Variants in TRMT9B observed in about 807,000 individuals in gnomAD.
TRMT9B encodes probable tRNA methyltransferase 9B.
In TRMT9B, 16 loss-of-function variants were observed where a neutral mutation model predicts 11.5. The observed-to-expected ratio is 1.39, with a 90% CI of 0.94 to 2.11. TRMT9B has a LOEUF of 2.11. Among genes scored for constraint, TRMT9B ranks in the 30% most tolerant of loss-of-function variants. TRMT9B has a pLI of 0.00. For missense variants in TRMT9B, 941 were observed against 553.8 expected (o/e 1.70, Z -7.02); for synonymous variants, 274 against 192.4 (o/e 1.42, Z -3.51).
intron 1 of TRMT9B, among the ~76,000 whole-genome samples, chr8:12,959,378 C>T (rs777544616): frequency 2.6e-5 from 4 of 152,132 alleles, no homozygotes; most frequent in Non-Finnish European, 5.9e-5. Flanking sequence ...TATAAAATTA[C>T]CTTCAGCTAT....
rs1814630377 is a variant in TRMT9B at position 13,025,889 on chromosome 8, T to C, written c.*3845T>C. ...CCTCTGTCTTTTAAGTGACCATCAA[T>C]TCAATAGGCAAAAATTTGGAGTAAT... On this transcript the variant is annotated 3_prime_UTR_variant, in exon 5 of 5. Transcript: ENST00000524591. 6.0e-6 allele frequency: 1 copy of C among 166,764 alleles called. No individual in the cohort carries two copies. The highest frequency in any genetic ancestry group is 6.5e-5 in the Admixed American group (1 of 15,278). The allele number at this position is 166,764 out of a possible 1,614,324, so 10.3% of individuals were successfully genotyped here.
At chr8:13,016,908 C>A (rs1372422144) in intron 4 of TRMT9B, among the ~76,000 whole-genome samples, 12 of 150,516 alleles carry the variant, frequency 8.0e-5, no homozygotes, top group African/African-American at 2.7e-4. Context: ...AGGCGGATCA[C>A]AAGGTCAGGA....
intron 2 of TRMT9B, among the ~76,000 whole-genome samples, chr8:12,995,531 A>G (rs1431389908): frequency 1.3e-5 from 2 of 152,128 alleles, no homozygotes; most frequent in Admixed American, 1.3e-4. Flanking sequence ...CACTCAATAC[A>G]TATATTAATT....
chr8:12,950,242 T>G (rs1800487828), intron 1 of TRMT9B, among the ~76,000 whole-genome samples: 1 of 152,194 alleles, frequency 6.6e-6, no homozygotes. Flanking sequence ...TGATTTCCCT[T>G]ATGTTTTCCT....
At position 12,986,998 on chromosome 8, in the gene TRMT9B, G is replaced by T. The variant is rs188771838; in HGVS notation, c.-199-3836G>T. 2.0e-4 allele frequency among the ~76,000 whole-genome samples: 31 copies of T among 152,236 alleles called. No homozygotes were observed. The East Asian group carries it at 5.4e-3, about 27-fold the overall frequency. ...TTCTTCTTGTTGAAATAATTCAGTG[G>T]TTCCCCATGATGTTCAGAAGCTGGA... On this transcript the variant is annotated intron_variant, in intron 1 of 4. Coordinates refer to ENST00000524591, the MANE Select transcript of TRMT9B (RefSeq NM_020844.3).
At chr8:13,011,255 G>C (rs1375267257) in intron 3 of TRMT9B, 1 of 968,300 alleles carries the variant, frequency 1.0e-6, no homozygotes, top group South Asian at 4.8e-5. Flanking sequence ...CAAAGTGCTA[G>C]GATTATAGGC....
chr8:12,971,769 G>C (rs752813787), intron 1 of TRMT9B, among the ~76,000 whole-genome samples: 6 of 152,084 alleles, frequency 3.9e-5, no homozygotes, highest in African/African-American at 1.4e-4. Context: ...TGTGGTTATC[G>C]CTTTTACATA....
At chr8:12,999,645 G>A (rs368975780) in intron 2 of TRMT9B, among the ~76,000 whole-genome samples, 1 of 152,130 alleles carries the variant, frequency 6.6e-6, no homozygotes, top group Non-Finnish European at 1.5e-5. Flanking sequence ...TAGATATTAT[G>A]GGCTAACCAA....
At chr8:12,969,846 A>AT (rs368805990) in intron 1 of TRMT9B, among the ~76,000 whole-genome samples, 7,386 of 124,336 alleles carry the variant, frequency 0.059, 253 homozygotes, top group Admixed American at 0.062. Context: ...TAATGTTTTA[A>AT]TTTTTTTTTT....
chr8:12,950,109 C>G (rs542367891), intron 1 of TRMT9B, among the ~76,000 whole-genome samples: 1 of 152,354 alleles, frequency 6.6e-6, no homozygotes, highest in South Asian at 2.1e-4. Context: ...CCACCTCAGC[C>G]TCCCAAACTG....
intron 1 of TRMT9B, among the ~76,000 whole-genome samples, chr8:12,973,969 G>T (rs1337619142): frequency 6.6e-6 from 1 of 152,138 alleles, no homozygotes; most frequent in Non-Finnish European, 1.5e-5. Context: ...AGACCAGCCT[G>T]AGCATTATAG....
intron 1 of TRMT9B, chr8:12,960,609 T>A (rs1801972170): frequency 6.6e-6 from 1 of 152,176 alleles, no homozygotes; most frequent in South Asian, 2.1e-4. Context: ...ATCCTTACAA[T>A]GGAATATTAT....
intron 1 of TRMT9B, among the ~76,000 whole-genome samples, chr8:12,977,288 G>A (rs1804606790): frequency 6.6e-6 from 1 of 152,192 alleles, no homozygotes; most frequent in Non-Finnish European, 1.5e-5. Flanking sequence ...GATCAGCCTG[G>A]AGAGGAGAGG....
At chr8:13,014,477 G>A (rs1432915659) in intron 4 of TRMT9B, among the ~76,000 whole-genome samples, 3 of 152,056 alleles carry the variant, frequency 2.0e-5, no homozygotes, top group South Asian at 2.1e-4. Flanking sequence ...AAGAAGAAGG[G>A]GAGAATGAGA....
intron 1 of TRMT9B, among the ~76,000 whole-genome samples, chr8:12,978,876 TA>T (rs1804893810): frequency 6.6e-6 from 1 of 152,216 alleles, no homozygotes; most frequent in African/African-American, 2.4e-5. Flanking sequence ...AGTCTATAAT[TA>T]CATTTCTCTC....
chr8:12,969,626 C>G (rs1803307081), intron 1 of TRMT9B, among the ~76,000 whole-genome samples: 1 of 151,512 alleles, frequency 6.6e-6, no homozygotes, highest in South Asian at 2.1e-4. Flanking sequence ...TTATTTTTTC[C>G]TAATATTTTT....
chr8:12,985,699 T>A (rs538423739), intron 1 of TRMT9B, among the ~76,000 whole-genome samples: 1 of 152,230 alleles, frequency 6.6e-6, no homozygotes, highest in South Asian at 2.1e-4. Flanking sequence ...TAGAGCTCTA[T>A]CATACATGGC....
intron 2 of TRMT9B, among the ~76,000 whole-genome samples, chr8:13,003,611 T>C: frequency 6.6e-6 from 1 of 151,240 alleles, no homozygotes; most frequent in Non-Finnish European, 1.5e-5. Flanking sequence ...CCTTAAGAGG[T>C]CTGGTGAGGC....
chr8:13,004,662 T>G (rs1220545555), intron 2 of TRMT9B, among the ~76,000 whole-genome samples: 1 of 151,914 alleles, frequency 6.6e-6, no homozygotes, highest in African/African-American at 2.4e-5. Context: ...TAACCAGCGG[T>G]GATACCCAAG....
Sources: gnomAD v4.1 joint callset for allele counts (sites outside exome capture counted in the v4.1 genomes callset) on GRCh38, gnomAD v4.1.1 for gene constraint, MANE v1.5 for transcripts, NCBI Gene and HGNC (gene_info 2026-07-23, HGNC 2026-07-21) for gene names.